The following TMEM67 variants were observed in gnomAD, a reference collection of about 807,000 sequenced individuals.
TMEM67 encodes the protein meckelin.
Under a neutral mutation model 136.6 loss-of-function variants are expected in TMEM67, and 124 were observed. That is an observed-to-expected ratio of 0.91 (90% CI 0.78 to 1.05). TMEM67 has a LOEUF of 1.05. TMEM67 is among the 50% of genes least tolerant of loss of function. The pLI, the probability that TMEM67 is intolerant of heterozygous loss-of-function variation, is 0.00. For missense variants in TMEM67, 1,107 were observed against 1,178.4 expected (o/e 0.94, Z 0.89); for synonymous variants, 364 against 390.5 (o/e 0.93, Z 0.80).
chr8:93,791,779 A>G (rs1360960758), intron 15 of TMEM67: 1 of 152,886 alleles, frequency 6.5e-6, no homozygotes, highest in East Asian at 1.9e-4. Context: ...TGCTATAATA[A>G]TAAATAAAAA....
chr8:93,769,585 G>C (rs752310717), intron 6 of TMEM67: 1 of 167,100 alleles, frequency 6.0e-6, no homozygotes, highest in Non-Finnish European at 1.5e-5. Context: ...CTGCTTTTCA[G>C]ACTGGTTCCG....
At chr8:93,765,889 A>G (rs536769806) in intron 6 of TMEM67, among the ~76,000 whole-genome samples, 5 of 152,344 alleles carry the variant, frequency 3.3e-5, no homozygotes, top group East Asian at 1.9e-4. Flanking sequence ...AATATCTGGT[A>G]TATGTTCTGT....
chr8:93,826,977 G>A, the TMEM67 span, among the ~76,000 whole-genome samples: 59 of 152,114 alleles, frequency 3.9e-4, no homozygotes, highest in African/African-American at 1.4e-3. Flanking sequence ...TTACAGGCAC[G>A]TGCCACCACG....
rs910428830 is a variant in TMEM67, at chr8:93,780,716, G to C, written c.838G>C (p.Gly280Arg). 22 of 1,613,772 alleles carry C rather than the reference G, an allele frequency of 1.4e-5. No individual in the cohort carries two copies. The highest frequency in any genetic ancestry group is 2.7e-5 in the African/African-American group (2 of 74,864). Reference sequence around the variant, plus strand: ...TCAGTTTATCTTTGAAAATACTGCTGGACTGAGCACTGTTCATTCTATTTC... The same window carrying C: ...TCAGTTTATCTTTGAAAATACTGCTCGACTGAGCACTGTTCATTCTATTTC... ...LFQFIFENTA[G>R]LSTVHSISFW... Residue 280 changes from glycine (G) to arginine (R), a missense_variant, in exon 8 of 28, where the codon GGA (glycine) becomes CGA (arginine). Coordinates refer to ENST00000453321, the MANE Select transcript of TMEM67 (RefSeq NM_153704.6).
At chr8:93,812,013 G>A (rs1808721822) in intron 26 of TMEM67, among the ~76,000 whole-genome samples, 1 of 151,982 alleles carries the variant, frequency 6.6e-6, no homozygotes, top group Non-Finnish European at 1.5e-5. Flanking sequence ...GCCGGGCATG[G>A]TGGTGCATGC....
chr8:93,822,510 T>C (rs1287651673), downstream of TMEM67, among the ~76,000 whole-genome samples: 1 of 152,144 alleles, frequency 6.6e-6, no homozygotes, highest in Non-Finnish European at 1.5e-5. Context: ...GGCAGTGGAG[T>C]GCACAGTAAC....
chr8:93,763,310 T>G (rs1204078353), intron 3 of TMEM67, among the ~76,000 whole-genome samples: 1 of 152,240 alleles, frequency 6.6e-6, no homozygotes, highest in Non-Finnish European at 1.5e-5. Context: ...ATATTCGTGT[T>G]GTTTCTAACA....
At chr8:93,782,569 TG>T in intron 11 of TMEM67, 109 bp downstream of exon 11, 4 of 779,740 alleles carry the variant, frequency 5.1e-6, no homozygotes, top group South Asian at 3.3e-5. Flanking sequence ...TTTTTATTCT[TG>T]GTTTTTTTTT....
the TMEM67 span, among the ~76,000 whole-genome samples, chr8:93,829,908 A>G: frequency 4.9e-4 from 75 of 152,138 alleles, no homozygotes; most frequent in Non-Finnish European, 9.4e-4. Context: ...TCTTTCCCCA[A>G]GACAGGAATC....
At chr8:93,764,658 A>G (rs1165894776) in intron 4 of TMEM67, among the ~76,000 whole-genome samples, 1 of 152,198 alleles carries the variant, frequency 6.6e-6, no homozygotes, top group Non-Finnish European at 1.5e-5. Context: ...TTTAATATGG[A>G]AAATAGTTGA....
In TMEM67 at chr8:93,772,583, T is replaced by C. The variant is rs1282835643; in HGVS notation, c.652-6T>C. 1.2e-6 allele frequency: 2 copies of C among 1,609,852 alleles called. No homozygotes were observed. Among genetic ancestry groups the C allele is most frequent in the Non-Finnish European group, 1.7e-6 (2 of 1,176,802 alleles). On this transcript the variant is annotated splice_region_variant and splice_polypyrimidine_tract_variant and intron_variant, in intron 6 of 27. Coordinates refer to ENST00000453321, the MANE Select transcript of TMEM67 (RefSeq NM_153704.6). ...TTAAAAATAAAATGTATCTTTTTGT[T>C]TACAGGGCATGTCTTTAACTTCAGA... is the stretch of plus-strand genomic sequence containing the variant.
chr8:93,768,209 A>G (rs1009439077), intron 6 of TMEM67, among the ~76,000 whole-genome samples: 11 of 152,284 alleles, frequency 7.2e-5, no homozygotes, highest in Middle Eastern at 3.4e-3. Context: ...ATAAATATTT[A>G]GAAACCAAGA....
Position 93,755,799 on chromosome 8 carries a change from C to T in TMEM67, c.245C>T (p.Pro82Leu), listed in dbSNP as rs772437766. 1.4e-6 allele frequency: 2 copies of T among 1,417,660 alleles called. No individual in the cohort carries two copies. Among genetic ancestry groups the T allele is most frequent in the South Asian group, 2.5e-5 (2 of 80,368 alleles). 87.8% of individuals were successfully genotyped at this position (1,417,660 alleles called of 1,614,324 possible). The change falls in exon 2 of 28, where the codon CCA becomes CTA. Residue 82 changes from proline (P) to leucine (L), a missense_variant. Physicochemically the swap from Pro to Leu is moderately conservative, Grantham distance 98 (BLOSUM62 -3). Coordinates refer to ENST00000453321, the MANE Select transcript of TMEM67 (RefSeq NM_153704.6). ...TTAGGAACTTCATGTGTATGTCTAC[C>T]AGGATTTCAGATGATCTCTAATAAT... ...DARGTSCVCLPGFQMISNNGG... is the reference protein window; with the variant it reads ...DARGTSCVCLLGFQMISNNGG...
At chr8:93,791,230 A>G (rs781772604) in intron 14 of TMEM67, 33 bp from the exon 15 acceptor site, 5 of 1,414,604 alleles carry the variant, frequency 3.5e-6, no homozygotes, top group Non-Finnish European at 5.0e-6. Context: ...ATATAATTTC[A>G]GTATAGCTAA....
chr8:93,777,026 A>G (rs964633564), intron 7 of TMEM67, among the ~76,000 whole-genome samples: 7 of 152,248 alleles, frequency 4.6e-5, no homozygotes, highest in South Asian at 2.1e-4. Context: ...CCTCAATTTC[A>G]GATGCTGTTG....
At chr8:93,772,777 T>G (rs960478993) in intron 7 of TMEM67, 126 bp downstream of exon 7, 12 of 678,876 alleles carry the variant, frequency 1.8e-5, no homozygotes, top group Admixed American at 1.1e-4. Flanking sequence ...ATAAGAAGAA[T>G]AAACTCTTTC....
At chr8:93,832,390 A>C in the TMEM67 span, among the ~76,000 whole-genome samples, 1 of 152,188 alleles carries the variant, frequency 6.6e-6, no homozygotes, top group East Asian at 1.9e-4. Flanking sequence ...TTGCAACTCC[A>C]CCATCTCTCT....
chr8:93,764,049 C>G (rs1030403337), intron 4 of TMEM67, 108 bp downstream of exon 4: 26 of 782,696 alleles, frequency 3.3e-5, no homozygotes, highest in Admixed American at 3.1e-4. Flanking sequence ...TCACAATAAC[C>G]CAAGGAAGGA....
Position 93,809,028 on chromosome 8 carries a change from T to G in TMEM67, c.2557-29T>G, listed in dbSNP as rs1319824675. 5.2e-6 allele frequency: 8 copies of G among 1,540,106 alleles called. No individual in the cohort carries two copies. In the African/African-American group the frequency reaches 1.1e-4, roughly 21 times the overall value. ...TTTTTAGATACCAAGAACATAACAC[T>G]TTGTATTCATTTCTCTTTTTTACAT... is the stretch of plus-strand genomic sequence containing the variant. On this transcript the variant is annotated intron_variant, in intron 24 of 27. Coordinates refer to ENST00000453321, the MANE Select transcript of TMEM67 (RefSeq NM_153704.6).
Sources: gnomAD v4.1 joint callset for allele counts (sites outside exome capture counted in the v4.1 genomes callset) on GRCh38, gnomAD v4.1.1 for gene constraint, MANE v1.5 for transcripts, NCBI Gene and HGNC (gene_info 2026-07-23, HGNC 2026-07-21) for gene names.